SOX5: variants seen among roughly 807,000 people sequenced by gnomAD.
The protein encoded by SOX5 is SRY-box transcription factor 5.
In SOX5, 9 loss-of-function variants were observed where a neutral mutation model predicts 92.0. That is an observed-to-expected ratio of 0.10 (90% CI 0.06 to 0.17). The LOEUF (loss-of-function observed/expected upper bound fraction) is 0.17, where lower values mean the gene tolerates loss of function less well. SOX5 is among the 10% of genes least tolerant of loss of function. The probability of loss-of-function intolerance (pLI) is 1.00; values close to 1 mark genes in which losing one functional copy is unlikely to be tolerated. For missense variants in SOX5, 642 were observed against 944.5 expected (o/e 0.68, Z 4.20); for synonymous variants, 344 against 336.3 (o/e 1.02, Z -0.25).
chr12:24,175,312 A>G (rs1349326406), intron 4 of SOX5, among the ~76,000 whole-genome samples: 1 of 152,198 alleles, frequency 6.6e-6, no homozygotes, highest in African/African-American at 2.4e-5. Context: ...AACCCCATAA[A>G]AGAGAAAAGC....
intron 9 of SOX5, among the ~76,000 whole-genome samples, chr12:23,589,742 T>C (rs763544135): frequency 1.3e-5 from 2 of 150,582 alleles, no homozygotes; most frequent in African/African-American, 2.4e-5. Context: ...ATAAATAACA[T>C]TGTTTCATTT....
intron 8 of SOX5, among the ~76,000 whole-genome samples, chr12:23,608,054 G>A (rs2075464023): frequency 7.2e-6 from 1 of 138,840 alleles, no homozygotes; most frequent in Admixed American, 7.6e-5. Flanking sequence ...AGGACTGCTT[G>A]AGCCTGGGAG....
chr12:23,804,431 G>A (rs922066846), intron 3 of SOX5, among the ~76,000 whole-genome samples: 4 of 152,096 alleles, frequency 2.6e-5, no homozygotes, highest in African/African-American at 9.7e-5. Flanking sequence ...TAGGCAATGA[G>A]AAAAATGGAT....
chr12:24,386,629 G>A (rs1348565948), intron 1 of SOX5, among the ~76,000 whole-genome samples: 2 of 151,980 alleles, frequency 1.3e-5, no homozygotes, highest in African/African-American at 2.4e-5. Flanking sequence ...ATATACTTGG[G>A]GAATACCTGT....
intron 6 of SOX5, among the ~76,000 whole-genome samples, chr12:23,669,570 G>A (rs1399602551): frequency 5.3e-5 from 8 of 151,720 alleles, no homozygotes; most frequent in East Asian, 1.9e-4. Flanking sequence ...GAGACCCAGC[G>A]TAGAGACCAA....
chr12:23,969,838 G>A (rs975371163), intron 4 of SOX5, among the ~76,000 whole-genome samples: 1 of 152,302 alleles, frequency 6.6e-6, no homozygotes, highest in Non-Finnish European at 1.5e-5. Context: ...TTCAAAGATG[G>A]GTGGGTATGA....
chr12:23,883,940 C>T (rs1377640687), intron 2 of SOX5, among the ~76,000 whole-genome samples: 5 of 152,108 alleles, frequency 3.3e-5, no homozygotes, highest in Admixed American at 2.6e-4. Flanking sequence ...GAGATTGAGA[C>T]TTCTACAGTG....
intron 6 of SOX5, among the ~76,000 whole-genome samples, chr12:23,720,451 A>C (rs2092751130): frequency 6.6e-6 from 1 of 152,198 alleles, no homozygotes; most frequent in Non-Finnish European, 1.5e-5. Context: ...CCTTTTGTCA[A>C]AAGAGCACTT....
intron 1 of SOX5, among the ~76,000 whole-genome samples, chr12:24,443,801 T>C (rs1293814659): frequency 1.3e-5 from 2 of 152,222 alleles, no homozygotes; most frequent in Non-Finnish European, 2.9e-5. Flanking sequence ...AAAAACTGTT[T>C]TGAAAGAACA....
At chr12:24,212,468 C>T (rs750003156) in intron 4 of SOX5, 16 of 533,994 alleles carry the variant, frequency 3.0e-5, no homozygotes, top group South Asian at 2.1e-4. Flanking sequence ...AAGACACACT[C>T]CAGGGGAGCT....
rs539424047 is a variant in SOX5 at position 24,405,965 on chromosome 12, G to T, written c.-250-37326C>A. On this transcript the variant is annotated intron_variant, in intron 1 of 4. Coordinates refer to the SOX5 transcript ENST00000446891. The stretch of plus-strand genomic sequence containing the variant: ...ACCTTTTCCATAGGTCTTTAGAGAG[G>T]CTTCAGAGGAAACCTTTAGTGGGCC... Among the ~76,000 whole-genome samples, 11 of 152,108 alleles carry T rather than the reference G, an allele frequency of 7.2e-5. No individual in the cohort carries two copies. In the South Asian group the frequency reaches 2.3e-3, roughly 32 times the overall value.
At chr12:24,218,592 C>T (rs997833416) in intron 3 of SOX5, among the ~76,000 whole-genome samples, 3 of 152,086 alleles carry the variant, frequency 2.0e-5, no homozygotes, top group Non-Finnish European at 4.4e-5. Context: ...CACTAAAAAA[C>T]ATTGACATGA....
At chr12:23,941,626 T>C (rs911326538) in intron 1 of SOX5, among the ~76,000 whole-genome samples, 31 of 151,642 alleles carry the variant, frequency 2.0e-4, no homozygotes, top group African/African-American at 6.7e-4. Flanking sequence ...TGGTACTTTG[T>C]ATATTACATA....
chr12:24,426,749 G>A (rs1966818275), intron 1 of SOX5, among the ~76,000 whole-genome samples: 1 of 152,100 alleles, frequency 6.6e-6, no homozygotes, highest in Non-Finnish European at 1.5e-5. Flanking sequence ...CAGGACAAGG[G>A]TGACTGCAAA....
At chr12:24,296,449 C>T (rs954856847) in intron 2 of SOX5, among the ~76,000 whole-genome samples, 3 of 152,158 alleles carry the variant, frequency 2.0e-5, no homozygotes, top group Non-Finnish European at 2.9e-5. Context: ...GTGAGAACTC[C>T]GAATAGATCT....
intron 1 of SOX5, among the ~76,000 whole-genome samples, chr12:24,461,221 G>A (rs1478737151): frequency 6.7e-6 from 1 of 150,004 alleles, no homozygotes; most frequent in Non-Finnish European, 1.5e-5. Flanking sequence ...TTATTTTGTA[G>A]GAGGATTTAT....
At chr12:23,905,064 T>G (rs116354455) in intron 1 of SOX5, among the ~76,000 whole-genome samples, 3,157 of 152,322 alleles carry the variant, frequency 0.021, 108 homozygotes, top group African/African-American at 0.072. Flanking sequence ...CTGATTCTTG[T>G]CATTATCTGA....
chr12:24,075,689 A>T (rs974472240), intron 4 of SOX5, among the ~76,000 whole-genome samples: 1 of 152,112 alleles, frequency 6.6e-6, no homozygotes, highest in Non-Finnish European at 1.5e-5. Flanking sequence ...AAGCAAACCC[A>T]AAGTTTAAAT....
intron 1 of SOX5, among the ~76,000 whole-genome samples, chr12:24,382,485 G>C (rs1290707025): frequency 6.6e-6 from 1 of 152,094 alleles, no homozygotes; most frequent in African/African-American, 2.4e-5. Flanking sequence ...AGGAAAGGGG[G>C]TAAGGGCTGA....
Sources: allele counts gnomAD v4.1 joint callset (sites outside exome capture counted in the v4.1 genomes callset), GRCh38; gene constraint gnomAD v4.1.1; transcripts MANE v1.5; gene names NCBI Gene and HGNC (gene_info 2026-07-23, HGNC 2026-07-21).